Variants in GRIN2C observed in about 807,000 individuals in gnomAD.
GRIN2C encodes glutamate ionotropic receptor NMDA type subunit 2C.
Under a neutral mutation model 77.7 loss-of-function variants are expected in GRIN2C, and 64 were observed. The observed-to-expected ratio is 0.82, with a 90% confidence interval of 0.67 to 1.01. GRIN2C has a LOEUF of 1.01. Ranked by LOEUF, GRIN2C falls within the 50% of genes least tolerant of loss-of-function variation. GRIN2C has a pLI of 0.00. For missense variants in GRIN2C, 1,549 were observed against 1,486.0 expected (o/e 1.04, Z -0.70); for synonymous variants, 792 against 643.4 (o/e 1.23, Z -3.49).
chr17:74,854,437 TGAGCCCC>T, intron 2 of GRIN2C: 1 of 436,924 alleles, frequency 2.3e-6, no homozygotes, highest in African/African-American at 2.0e-5. Flanking sequence ...GGCTGGGGCC[TGAGCCCC>T]ACAGCCAGAG....
intron 7 of GRIN2C, among the ~76,000 whole-genome samples, chr17:74,848,317 A>G (rs2037526663): frequency 6.6e-6 from 1 of 152,170 alleles, no homozygotes; most frequent in Non-Finnish European, 1.5e-5. Flanking sequence ...CCTGAGGCCA[A>G]GTCTTACTCC....
In GRIN2C at chr17:74,852,381, C is replaced by T. The variant is rs1044531301; in HGVS notation, c.630G>A (p.Ala210=). ...TLELGPGGPR[A]RTQRLLRQLD... ...GCTGGCGCAGCAGGCGCTGCGTGCG[C>T]GCGCGCGGCCCTCCCGGGCCCAGCT... Residue 210 remains alanine (A), a synonymous_variant, in exon 3 of 13, where the codon GCG becomes GCA. Coordinates refer to ENST00000293190, the MANE Select transcript of GRIN2C (RefSeq NM_000835.6). 1.7e-5 allele frequency: 25 copies of T among 1,440,250 alleles called. No homozygotes were observed. Among genetic ancestry groups the T allele is most frequent in the African/African-American group, 3.0e-5 (2 of 66,872 alleles). The allele number at this position is 1,440,250 out of a possible 1,614,324, so 89.2% of individuals were successfully genotyped here. A position where few individuals can be genotyped will look rare whatever the true frequency, so the allele number is the denominator to read the frequency against.
rs2037305810 is a variant in GRIN2C, at chr17:74,842,242, G to A, written c.*193C>T. 3.7e-6 allele frequency: 2 copies of A among 541,846 alleles called. No homozygotes were observed. The highest frequency in any genetic ancestry group is 4.8e-5 in the South Asian group (2 of 41,308). 33.6% of individuals were successfully genotyped at this position (541,846 alleles called of 1,614,324 possible). A position where few individuals can be genotyped will look rare whatever the true frequency, so the allele number is the denominator to read the frequency against. ...CAGAACTCTGCGTGAGAAGAGGACA[G>A]CAAAAGCCCAGCCCTCACCATGATT... On this transcript the variant is annotated 3_prime_UTR_variant, in exon 13 of 13. Transcript: ENST00000293190.
intron 11 of GRIN2C, among the ~76,000 whole-genome samples, chr17:74,845,296 ACT>A (rs1255185037): frequency 2.2e-5 from 2 of 91,656 alleles, no homozygotes; most frequent in Non-Finnish European, 4.3e-5. Context: ...ACAGGGTCTC[ACT>A]CTGTCACCCA....
chr17:74,847,508 T>TG lies in GRIN2C; in HGVS notation c.1800dup (p.Lys601GlnfsTer65). ...AGCGCCCACAGCAGCCACACGGACT[T>TG]GCCGATAGTGAAAGCTGGGCCCCCG... On this transcript the variant is annotated frameshift_variant, in exon 9 of 13. Coordinates refer to ENST00000293190, the MANE Select transcript of GRIN2C (RefSeq NM_000835.6). LOFTEE classifies it high-confidence loss of function. The surrounding 1 kb of genome is among the most constrained non-coding windows in gnomAD (Gnocchi z 5.2). 2.5e-6 allele frequency: 4 copies of TG among 1,613,726 alleles called. No individual in the cohort carries two copies. Among genetic ancestry groups the TG allele is most frequent in the Non-Finnish European group, 3.4e-6 (4 of 1,179,864 alleles).
Position 74,849,576 on chromosome 17 carries a change from A to C in GRIN2C, c.1645+204T>G, listed in dbSNP as rs1186868687. ...ATCCCACACCCCCAACCCCACCCTC[A>C]CCTGGCAGCCATACCTAGAACCGAA... is the stretch of plus-strand genomic sequence containing the variant. On this transcript the variant is annotated intron_variant, in intron 7 of 12. Transcript: ENST00000293190. This position sits in a 1 kb window ranked among gnomAD's most constrained non-coding sequence, Gnocchi z 4.6. Among the ~76,000 whole-genome samples, 3 of 150,166 alleles carry C rather than the reference A, an allele frequency of 2.0e-5. No individual in the cohort carries two copies. The highest frequency in any genetic ancestry group is 6.6e-5 in the Admixed American group (1 of 15,138).
At chr17:74,858,731 T>C (rs938354490) in intron 1 of GRIN2C, among the ~76,000 whole-genome samples, 1 of 151,572 alleles carries the variant, frequency 6.6e-6, no homozygotes, top group Admixed American at 6.6e-5. Flanking sequence ...GACAGCTTAG[T>C]CCCATAGACA....
intron 7 of GRIN2C, among the ~76,000 whole-genome samples, chr17:74,848,391 A>AAG (rs2037528448): frequency 6.6e-6 from 1 of 152,184 alleles, no homozygotes; most frequent in Admixed American, 6.5e-5. Flanking sequence ...GGCCTCAGAC[A>AAG]AGACTGTTTC....
intron 12 of GRIN2C, among the ~76,000 whole-genome samples, chr17:74,843,806 G>T (rs972544534): frequency 1.3e-5 from 2 of 151,974 alleles, no homozygotes; most frequent in Non-Finnish European, 2.9e-5. Flanking sequence ...GGGCACACCT[G>T]TGGGGGGGAC....
rs1212181636 is a variant in GRIN2C, at chr17:74,859,707, G to A, written c.-16+37C>T. ...CGCCCGGACTCCCCCTGGCCACCGG[G>A]ACGCCCCGCCCCCTCCCCTCCGCAG... On this transcript the variant is annotated intron_variant, in intron 1 of 12. Coordinates refer to ENST00000293190, the MANE Select transcript of GRIN2C (RefSeq NM_000835.6). This position sits in a 1 kb window ranked among gnomAD's most constrained non-coding sequence, Gnocchi z 5.9. 6.6e-6 allele frequency: 1 copy of A among 152,260 alleles called. No individual in the cohort carries two copies. Among genetic ancestry groups the A allele is most frequent in the African/African-American group, 2.4e-5 (1 of 41,414 alleles). 9.4% of individuals were successfully genotyped at this position (152,260 alleles called of 1,614,324 possible). A position where few individuals can be genotyped will look rare whatever the true frequency, so the allele number is the denominator to read the frequency against.
In GRIN2C at chr17:74,847,504, G is replaced by T; in HGVS notation, c.1805C>A (p.Ser602Tyr). 1.9e-6 allele frequency: 3 copies of T among 1,613,902 alleles called. No individual in the cohort carries two copies. The highest frequency in any genetic ancestry group is 2.5e-6 in the Non-Finnish European group (3 of 1,179,952). Reference sequence around the variant, plus strand: ...GACCAGCGCCCACAGCAGCCACACGGACTTGCCGATAGTGAAAGCTGGGCC... The same window carrying T: ...GACCAGCGCCCACAGCAGCCACACGTACTTGCCGATAGTGAAAGCTGGGCC... ...SGGPAFTIGK[S>Y]VWLLWALVFN... Residue 602 changes from serine to tyrosine, a missense_variant, in exon 9 of 13, where the codon TCC becomes TAC. This residue lies in a region of GRIN2C where 717 missense variants were observed against 858.1 expected (regional missense o/e 0.84). Transcript: ENST00000293190. This position sits in a 1 kb window ranked among gnomAD's most constrained non-coding sequence, Gnocchi z 5.2.
In GRIN2C at chr17:74,847,311, C is replaced by T; in HGVS notation, c.1998G>A (p.Lys666=). The T allele has an allele frequency of 1.8e-6, 2 of 1,114,286 alleles. No individual in the cohort carries two copies. The highest frequency in any genetic ancestry group is 2.5e-6 in the Non-Finnish European group (2 of 792,980). 69.0% of individuals were successfully genotyped at this position (1,114,286 alleles called of 1,614,324 possible). ...CCAGCAGCTATGGCCCCACAACCTTCTTGTCACTGAGGCCCGACACAGTGT... is the reference window on the plus strand; with the variant it reads ...CCAGCAGCTATGGCCCCACAACCTTTTTGTCACTGAGGCCCGACACAGTGT... The part of the protein sequence containing the change: ...YIDTVSGLSD[K]KFQRPQDQYP... The change falls in exon 9 of 13, where the codon AAG becomes AAA. Residue 666 remains lysine, a synonymous_variant. Coordinates refer to ENST00000293190, the MANE Select transcript of GRIN2C (RefSeq NM_000835.6). The surrounding 1 kb of genome is among the most constrained non-coding windows in gnomAD (Gnocchi z 5.2).
Position 74,847,834 on chromosome 17 carries a change from G to C in GRIN2C, c.1771+18C>G. ...GTGCCCAGGCCCACCCCTCCTGCCG[G>C]GCCCAGGCAAGGCTTACTCTTGCCT... On this transcript the variant is annotated intron_variant, in intron 8 of 12. Transcript: ENST00000293190. This position sits in a 1 kb window ranked among gnomAD's most constrained non-coding sequence, Gnocchi z 5.2. The C allele has an allele frequency of 6.2e-7, 1 of 1,613,762 alleles. No individual in the cohort carries two copies. Among genetic ancestry groups the C allele is most frequent in the East Asian group, 2.2e-5 (1 of 44,878 alleles).
intron 2 of GRIN2C, 120 bp from the exon 3 acceptor site, chr17:74,852,731 C>T (rs1446691391): frequency 8.0e-6 from 4 of 502,556 alleles, no homozygotes; most frequent in African/African-American, 6.1e-5. Flanking sequence ...GCTCCGCATT[C>T]CGGGAGCCCT....
chr17:74,850,485 G>A lies in GRIN2C; in HGVS notation c.1325+71C>T. 2 of 1,564,552 alleles carry A rather than the reference G, an allele frequency of 1.3e-6. No homozygotes were observed. Among genetic ancestry groups the A allele is most frequent in the Non-Finnish European group, 8.8e-7 (1 of 1,139,444 alleles). On this transcript the variant is annotated intron_variant, in intron 5 of 12. Transcript: ENST00000293190. The surrounding 1 kb of genome is among the most constrained non-coding windows in gnomAD (Gnocchi z 5.3). Reference sequence around the variant, plus strand: ...ACCCCTGCCCCACACCCAAGCATGGGACATACACGACACCTGACCATCACA... The same window carrying A: ...ACCCCTGCCCCACACCCAAGCATGGAACATACACGACACCTGACCATCACA...
chr17:74,844,913 G>A (rs2037410026), intron 11 of GRIN2C, among the ~76,000 whole-genome samples: 1 of 152,040 alleles, frequency 6.6e-6, no homozygotes, highest in African/African-American at 2.4e-5. Context: ...CACACATTGT[G>A]ATTGCTCTTA....
Position 74,847,004 on chromosome 17 carries a change from C to A in GRIN2C, c.2002-84G>T. 1 of 1,435,952 alleles carries A rather than the reference C, an allele frequency of 7.0e-7. No homozygotes were observed. The highest frequency in any genetic ancestry group is 9.5e-7 in the Non-Finnish European group (1 of 1,052,460). The allele number at this position is 1,435,952 out of a possible 1,614,324, so 89.0% of individuals were successfully genotyped here. A position where few individuals can be genotyped will look rare whatever the true frequency, so the allele number is the denominator to read the frequency against. ...GCCCCAAACCCACCCCAGAGCCCAG[C>A]CCCAGTGTGGACTTGCATAGTCAGA... is the stretch of plus-strand genomic sequence containing the variant. On this transcript the variant is annotated intron_variant, in intron 9 of 12. Coordinates refer to ENST00000293190, the MANE Select transcript of GRIN2C (RefSeq NM_000835.6). This position sits in a 1 kb window ranked among gnomAD's most constrained non-coding sequence, Gnocchi z 5.2.
intron 7 of GRIN2C, among the ~76,000 whole-genome samples, chr17:74,848,333 C>T (rs1043112340): frequency 1.3e-5 from 2 of 152,210 alleles, no homozygotes; most frequent in Admixed American, 6.5e-5. Flanking sequence ...ACTCCTCATC[C>T]TACCAACATG....
chr17:74,860,519 T>C (rs1330450752), upstream of GRIN2C: 4 of 456,162 alleles, frequency 8.8e-6, no homozygotes. Flanking sequence ...GCTCCGCGTG[T>C]CCCCGCCCTG....
Sources: gnomAD v4.1 joint callset for allele counts (sites outside exome capture counted in the v4.1 genomes callset) on GRCh38, gnomAD v4.1.1 for gene constraint, gnomAD v4.1.1 regional missense constraint, Gnocchi (gnomAD v3.1) non-coding constraint, MANE v1.5 for transcripts, NCBI Gene and HGNC (gene_info 2026-07-23, HGNC 2026-07-21) for gene names.